The following MYO3B variants were observed in gnomAD, a reference collection of about 807,000 sequenced individuals.
MYO3B encodes myosin IIIB, also known as myosin-IIIb.
MYO3B carries 156 observed loss-of-function variants against 174.6 expected under a neutral mutation model. The observed-to-expected ratio is 0.89, with a 90% CI of 0.78 to 1.02. The LOEUF (loss-of-function observed/expected upper bound fraction) is 1.02, where lower values mean the gene tolerates loss of function less well. Among genes scored for constraint, MYO3B ranks in the 50% least tolerant of loss-of-function variants. The pLI, the probability that MYO3B is intolerant of heterozygous loss-of-function variation, is 0.00. For synonymous variants in MYO3B, 563 were observed against 569.1 expected (o/e 0.99, Z 0.15); for missense variants, 1,632 against 1,639.4 (o/e 1.00, Z 0.08).
chr2:170,589,720 C>A (rs1347204007), intron 32 of MYO3B, among the ~76,000 whole-genome samples: 1 of 152,026 alleles, frequency 6.6e-6, no homozygotes, highest in African/African-American at 2.4e-5. Flanking sequence ...TTACAGTAAG[C>A]TAAGGTTAAT....
At chr2:170,462,707 T>C (rs1354091274) in intron 23 of MYO3B, among the ~76,000 whole-genome samples, 2 of 152,292 alleles carry the variant, frequency 1.3e-5, no homozygotes, top group Non-Finnish European at 2.9e-5. Context: ...AGCAGGGTTT[T>C]TGTTGTTGCA....
intron 16 of MYO3B, among the ~76,000 whole-genome samples, chr2:170,396,500 T>C (rs1307597821): frequency 6.6e-6 from 1 of 152,080 alleles, no homozygotes; most frequent in Non-Finnish European, 1.5e-5. Flanking sequence ...CCCAGAAATA[T>C]AAACTCCTTA....
chr2:170,612,251 C>T (rs140086651), intron 32 of MYO3B, among the ~76,000 whole-genome samples: 110 of 152,302 alleles, frequency 7.2e-4, no homozygotes, highest in African/African-American at 2.1e-3. Context: ...CCTGGTGGTG[C>T]AAGGGCCATT....
intron 2 of MYO3B, among the ~76,000 whole-genome samples, chr2:170,199,716 T>G (rs2092640314): frequency 1.3e-5 from 2 of 152,220 alleles, no homozygotes; most frequent in Admixed American, 1.3e-4. Flanking sequence ...TATTCAATCA[T>G]CTTACGCTGA....
intron 6 of MYO3B, among the ~76,000 whole-genome samples, chr2:170,227,265 G>A (rs564402627): frequency 5.9e-5 from 9 of 152,184 alleles, no homozygotes; most frequent in South Asian, 4.1e-4. Context: ...ATTATGTCCC[G>A]GGTATTTCTC....
chr2:170,224,364 C>T (rs2092930586), intron 6 of MYO3B, among the ~76,000 whole-genome samples: 1 of 152,054 alleles, frequency 6.6e-6, no homozygotes, highest in African/African-American at 2.4e-5. Context: ...AATGCAAGTC[C>T]CATTTTGCAG....
chr2:170,637,392 T>G (rs1032397621), intron 32 of MYO3B, among the ~76,000 whole-genome samples: 3 of 152,006 alleles, frequency 2.0e-5, no homozygotes, highest in Non-Finnish European at 4.4e-5. Flanking sequence ...AGGCTGGTCT[T>G]AAACTCCTGG....
chr2:170,494,581 A>G (rs1397807042), intron 25 of MYO3B, among the ~76,000 whole-genome samples: 4 of 152,026 alleles, frequency 2.6e-5, no homozygotes, highest in Non-Finnish European at 5.9e-5. Flanking sequence ...TACAAAGGTT[A>G]GCCAGGTATG....
chr2:170,422,977 C>CTTTTTTTTTTTTTTTTT (rs34882424), intron 22 of MYO3B, among the ~76,000 whole-genome samples: 9 of 88,506 alleles, frequency 1.0e-4, no homozygotes, highest in East Asian at 3.5e-4. Flanking sequence ...TTCTTTCTTT[C>CTTTTTTTTTTTTTTTTT]TTTTTTTTTT....
At position 170,383,181 on chromosome 2, in the gene MYO3B, T is replaced by C. The variant is rs771705364; in HGVS notation, c.1177T>C (p.Ser393Pro). The change falls in exon 11 of 35, where the codon TCT (serine) becomes CCT (proline). Residue 393 changes from serine to proline, a missense_variant. Ser to Pro is a moderately conservative substitution (Grantham distance 74). Transcript: ENST00000408978. ...CCCCTTCCAGAATCTAAGCATATACTCTCCACAGGTAAGGGATGTTTTAAG... is the reference window on the plus strand; with the variant it reads ...CCCCTTCCAGAATCTAAGCATATACCCTCCACAGGTAAGGGATGTTTTAAG... ...LNPFQNLSIY[S>P]PQFSRLYHGV... 2 of 1,583,372 alleles carry C rather than the reference T, an allele frequency of 1.3e-6. No individual in the cohort carries two copies. The highest frequency in any genetic ancestry group is 8.7e-7 in the Non-Finnish European group (1 of 1,152,380).
At chr2:170,612,857 G>A (rs1312122419) in intron 32 of MYO3B, among the ~76,000 whole-genome samples, 2 of 152,138 alleles carry the variant, frequency 1.3e-5, no homozygotes, top group African/African-American at 2.4e-5. Context: ...CATGACCCAC[G>A]GAAGATGTCT....
intron 7 of MYO3B, among the ~76,000 whole-genome samples, chr2:170,247,699 G>C (rs1197310231): frequency 6.6e-6 from 1 of 152,128 alleles, no homozygotes; most frequent in Non-Finnish European, 1.5e-5. Context: ...GTTCATAGAT[G>C]GTAGCTTCTT....
intron 30 of MYO3B, among the ~76,000 whole-genome samples, chr2:170,526,881 T>C (rs1689036702): frequency 6.6e-6 from 1 of 152,240 alleles, no homozygotes; most frequent in African/African-American, 2.4e-5. Flanking sequence ...AGAGTCCTTT[T>C]AGAAGATTTC....
chr2:170,224,821 GTC>G (rs1298775608), intron 6 of MYO3B, among the ~76,000 whole-genome samples: 1 of 152,178 alleles, frequency 6.6e-6, no homozygotes, highest in Non-Finnish European at 1.5e-5. Context: ...CCAAAAATGG[GTC>G]TCTCTCTGCC....
chr2:170,621,354 A>AAATT (rs1695899887), intron 32 of MYO3B, among the ~76,000 whole-genome samples: 1 of 152,158 alleles, frequency 6.6e-6, no homozygotes, highest in Admixed American at 6.5e-5. Flanking sequence ...AGGGCTCAAT[A>AAATT]AATTATTATG....
intron 32 of MYO3B, among the ~76,000 whole-genome samples, chr2:170,632,933 T>C (rs1298731906): frequency 6.6e-6 from 1 of 151,490 alleles, no homozygotes; most frequent in African/African-American, 2.4e-5. Context: ...GACAGCTGAA[T>C]TGCTGAATAG....
At chr2:170,519,785 C>G (rs1387363618) in intron 30 of MYO3B, 1 of 351,116 alleles carries the variant, frequency 2.8e-6, no homozygotes, top group Non-Finnish European at 5.3e-6. Flanking sequence ...CTAGCCTGGC[C>G]CACATGGCAA....
At chr2:170,256,815 T>C (rs2093308657) in intron 7 of MYO3B, among the ~76,000 whole-genome samples, 1 of 152,172 alleles carries the variant, frequency 6.6e-6, no homozygotes, top group Non-Finnish European at 1.5e-5. Flanking sequence ...GAGTGGCAAG[T>C]TGAATAATAA....
At chr2:170,250,834 C>A (rs1444874336) in intron 7 of MYO3B, among the ~76,000 whole-genome samples, 1 of 151,906 alleles carries the variant, frequency 6.6e-6, no homozygotes, top group Non-Finnish European at 1.5e-5. Context: ...GTTTGGCTGT[C>A]TAGCGGCCGA....
Sources: allele counts gnomAD v4.1 joint callset (sites outside exome capture counted in the v4.1 genomes callset), GRCh38; gene constraint gnomAD v4.1.1; transcripts MANE v1.5; gene names NCBI Gene and HGNC (gene_info 2026-07-23, HGNC 2026-07-21).